Variants in CFAP57 observed in about 807,000 individuals in gnomAD.
The protein encoded by CFAP57 is cilia- and flagella-associated protein 57.
In CFAP57, 116 loss-of-function variants were observed where a neutral mutation model predicts 146.8. The ratio of observed to expected loss-of-function variants is 0.79; its 90% confidence interval spans 0.68 to 0.92. The LOEUF is 0.92. Among genes scored for constraint, CFAP57 ranks in the 40% least tolerant of loss-of-function variants. The pLI is 0.00. For missense variants in CFAP57, 1,377 were observed against 1,527.2 expected (o/e 0.90, Z 1.64); for synonymous variants, 518 against 552.8 (o/e 0.94, Z 0.88).
intron 2 of CFAP57, among the ~76,000 whole-genome samples, chr1:43,175,705 T>C (rs1222824093): frequency 6.6e-6 from 1 of 151,760 alleles, no homozygotes; most frequent in Non-Finnish European, 1.5e-5. Context: ...GGGGTCTGGC[T>C]ATGTTGCTGA....
intron 9 of CFAP57, among the ~76,000 whole-genome samples, chr1:43,204,249 T>A (rs893803634): frequency 5.9e-5 from 9 of 152,238 alleles, no homozygotes; most frequent in African/African-American, 2.2e-4. Context: ...CTTTAATTAT[T>A]TAAGCGTAGT....
chr1:43,208,651 G>C (rs572167339), intron 10 of CFAP57, among the ~76,000 whole-genome samples: 2 of 152,276 alleles, frequency 1.3e-5, no homozygotes, highest in East Asian at 3.9e-4. Context: ...TCGTGGGATG[G>C]GGGGAACAGG....
intron 2 of CFAP57, 33 bp downstream of exon 2, chr1:43,172,943 A>G: frequency 6.3e-7 from 1 of 1,592,724 alleles, no homozygotes; most frequent in Non-Finnish European, 8.6e-7. Context: ...ATATACAGGA[A>G]TGGTATGTGC....
At chr1:43,252,881 G>A (rs578122276) in intron 22 of CFAP57, among the ~76,000 whole-genome samples, 1 of 152,284 alleles carries the variant, frequency 6.6e-6, no homozygotes, top group African/African-American at 2.4e-5. Flanking sequence ...GAATTTGTGA[G>A]CTAAAAGAAT....
chr1:43,177,618 G>A (rs1645222174), intron 2 of CFAP57, among the ~76,000 whole-genome samples: 2 of 152,146 alleles, frequency 1.3e-5, no homozygotes, highest in South Asian at 4.1e-4. Context: ...TCTGGCATCG[G>A]GGTAGGTTTC....
chr1:43,230,344 T>C (rs1645417420), intron 18 of CFAP57, among the ~76,000 whole-genome samples: 1 of 152,214 alleles, frequency 6.6e-6, no homozygotes, highest in Non-Finnish European at 1.5e-5. Flanking sequence ...TCCTGACTGG[T>C]CTGCCTGGCC....
intron 9 of CFAP57, chr1:43,206,424 T>G: frequency 2.9e-6 from 1 of 343,872 alleles, no homozygotes; most frequent in Non-Finnish European, 5.4e-6. Context: ...AAAAATGTTT[T>G]GAAAAAACAG....
At position 43,186,748 on chromosome 1, in the gene CFAP57, C is replaced by G; in HGVS notation, c.1011C>G (p.Asp337Glu). The change falls in exon 6 of 23, where the codon GAC becomes GAG. Residue 337 changes from aspartate to glutamate, a missense_variant. Asp to Glu is a conservative substitution (Grantham distance 45). Coordinates refer to ENST00000372492, the MANE Select transcript of CFAP57 (RefSeq NM_001378189.1). The stretch of plus-strand genomic sequence containing the variant: ...AGAGCAATGATCCAAGTCAGTCTGA[C>G]AAACAGGACGTTCTCTGCCTGTGCT... ...DPQSNDPSQS[D>E]KQDVLCLCFS... The G allele has an allele frequency of 6.2e-7, 1 of 1,613,984 alleles. No individual in the cohort carries two copies. Among genetic ancestry groups the G allele is most frequent in the Non-Finnish European group, 8.5e-7 (1 of 1,179,962 alleles).
intron 6 of CFAP57, among the ~76,000 whole-genome samples, chr1:43,191,148 A>G (rs1284437720): frequency 6.6e-6 from 1 of 151,918 alleles, no homozygotes; most frequent in African/African-American, 2.4e-5. Flanking sequence ...ACCTATTTTC[A>G]TCTATTTAGA....
chr1:43,210,183 T>C (rs1472096104), intron 11 of CFAP57: 1 of 1,542,842 alleles, frequency 6.5e-7, no homozygotes, highest in African/African-American at 1.4e-5. Flanking sequence ...AAGGGGCCGT[T>C]TGGTGGATGC....
chr1:43,203,275 C>T (rs1345928185), intron 9 of CFAP57, among the ~76,000 whole-genome samples: 2 of 151,120 alleles, frequency 1.3e-5, no homozygotes, highest in African/African-American at 4.9e-5. Flanking sequence ...ATTTTATCAA[C>T]ATTTAAGGAA....
chr1:43,233,487 TAAA>T (rs79375692), intron 19 of CFAP57, among the ~76,000 whole-genome samples: 3 of 139,184 alleles, frequency 2.2e-5, no homozygotes, highest in Non-Finnish European at 3.2e-5. Flanking sequence ...AGACTCCGTC[TAAA>T]AAAAAAAAAA....
Position 43,232,521 on chromosome 1 carries a change from T to C in CFAP57, c.3023T>C (p.Leu1008Pro). Residue 1008 changes from leucine to proline, a missense_variant, in exon 19 of 23, where the codon CTG becomes CCG. Leu to Pro is a moderately conservative substitution (Grantham distance 98). Coordinates refer to ENST00000372492, the MANE Select transcript of CFAP57 (RefSeq NM_001378189.1). ...TGTTGTCTACAGATGGAAGCTGAAC[T>C]GGAGAATTTCCATAAGCAGAACACT... ...KEQIQEMEAE[L>P]ENFHKQNTQL... The C allele has an allele frequency of 6.5e-7, 1 of 1,550,264 alleles. No individual in the cohort carries two copies. The highest frequency in any genetic ancestry group is 2.4e-5 in the East Asian group (1 of 40,922).
chr1:43,229,261 A>C (rs2124595813), intron 18 of CFAP57, among the ~76,000 whole-genome samples: 1 of 148,852 alleles, frequency 6.7e-6, no homozygotes, highest in Non-Finnish European at 1.5e-5. Flanking sequence ...CCACCAGCAC[A>C]CCTGGGGGGA....
Position 43,222,246 on chromosome 1 carries a change from C to CT in CFAP57, c.2484dup (p.Glu829Ter). On this transcript the variant is annotated frameshift_variant, in exon 15 of 23. Transcript: ENST00000372492. LOFTEE classifies it high-confidence loss of function. ...AAGAGCCAGGCCCTGGAGGAGCTGACTGAGTTTTACGAGGCAAAACTGCAG... is the reference window on the plus strand; with the variant it reads ...AAGAGCCAGGCCCTGGAGGAGCTGACTTGAGTTTTACGAGGCAAAACTGCAG... 2.7e-6 allele frequency: 4 copies of CT among 1,484,070 alleles called. No homozygotes were observed. Among genetic ancestry groups the CT allele is most frequent in the Non-Finnish European group, 3.6e-6 (4 of 1,113,468 alleles). 91.9% of individuals were successfully genotyped at this position (1,484,070 alleles called of 1,614,324 possible).
At chr1:43,190,522 G>A (rs547187321) in intron 6 of CFAP57, among the ~76,000 whole-genome samples, 1 of 152,006 alleles carries the variant, frequency 6.6e-6, no homozygotes, top group South Asian at 2.1e-4. Context: ...CGCCTGCCTC[G>A]GCCTCCTAAA....
At chr1:43,188,207 A>G (rs1195464010) in intron 6 of CFAP57, among the ~76,000 whole-genome samples, 4 of 152,136 alleles carry the variant, frequency 2.6e-5, no homozygotes, top group African/African-American at 9.7e-5. Context: ...TATTTTATTC[A>G]TCAAATTTGT....
At chr1:43,195,769 T>C (rs1643839014) in intron 6 of CFAP57, among the ~76,000 whole-genome samples, 1 of 152,196 alleles carries the variant, frequency 6.6e-6, no homozygotes, top group Admixed American at 6.5e-5. Context: ...AAGCACAATA[T>C]CATTTATAGA....
Position 43,232,542 on chromosome 1 carries a change from A to T in CFAP57, c.3044A>T (p.Asn1015Ile). Residue 1015 changes from asparagine to isoleucine, a missense_variant, in exon 19 of 23, where the codon AAC becomes ATC. Transcript: ENST00000372492. ...EAELENFHKQ[N>I]TQLELNITEL... ...GAACTGGAGAATTTCCATAAGCAGA[A>T]CACTCAACTGGAGCTGAACATCACA... is the stretch of plus-strand genomic sequence containing the variant. The T allele has an allele frequency of 6.5e-7, 1 of 1,550,374 alleles. No individual in the cohort carries two copies. Among genetic ancestry groups the T allele is most frequent in the East Asian group, 2.4e-5 (1 of 40,926 alleles).
Sources: allele counts gnomAD v4.1 joint callset (sites outside exome capture counted in the v4.1 genomes callset), GRCh38; gene constraint gnomAD v4.1.1; transcripts MANE v1.5; gene names NCBI Gene and HGNC (gene_info 2026-07-23, HGNC 2026-07-21).